The following CASR variants were observed in gnomAD, a reference collection of about 807,000 sequenced individuals.
The protein encoded by CASR is calcium sensing receptor, also known as extracellular calcium-sensing receptor.
A neutral mutation model predicts 69.1 loss-of-function variants in CASR; 23 were observed. The observed-to-expected ratio is 0.33, with a 90% confidence interval of 0.24 to 0.47. The LOEUF is 0.47. Among genes scored for constraint, CASR ranks in the 20% least tolerant of loss-of-function variants. CASR has a pLI of 1.00. For synonymous variants in CASR, 541 were observed against 544.7 expected, an observed-to-expected ratio of 0.99 and a Z score of 0.10; for missense variants, 924 against 1,356.1, an observed-to-expected ratio of 0.68 and a Z score of 5.00.
intron 5 of CASR, among the ~76,000 whole-genome samples, chr3:122,278,775 C>G (rs2074852172): frequency 6.6e-6 from 1 of 152,138 alleles, no homozygotes; most frequent in Non-Finnish European, 1.5e-5. Context: ...GAAGACTGAC[C>G]TGAGCGCGAA....
chr3:122,202,526 G>A (rs2073967852), intron 1 of CASR, among the ~76,000 whole-genome samples: 1 of 151,890 alleles, frequency 6.6e-6, no homozygotes, highest in Non-Finnish European at 1.5e-5. Context: ...TTTTTCAAGT[G>A]GGAGGTTTCT....
In CASR at chr3:122,291,607, TAAAG is replaced by T. The variant is rs200507404; in HGVS notation, c.*6420_*6423del. 1.0e-3 allele frequency: 159 copies of T among 152,200 alleles called. No homozygotes were observed. The East Asian group carries it at 0.013, about 13-fold the overall frequency. The allele number at this position is 152,200 out of a possible 1,614,324, so 9.4% of individuals were successfully genotyped here. On this transcript the variant is annotated 3_prime_UTR_variant, in exon 7 of 7. Coordinates refer to ENST00000639785, the MANE Select transcript of CASR (RefSeq NM_000388.4). The stretch of plus-strand genomic sequence containing the variant: ...TAAGCACAAAATTATAACAGGAAAA[TAAAG>T]AAAAGAATTTAAAATAAACATGCAA...
intron 3 of CASR, among the ~76,000 whole-genome samples, chr3:122,260,197 G>A (rs184101908): frequency 2.0e-5 from 3 of 152,306 alleles, no homozygotes; most frequent in Admixed American, 1.3e-4. Context: ...AGTGGTCAGA[G>A]CACTCCCACC....
chr3:122,247,977 C>T (rs1428760022), intron 1 of CASR, among the ~76,000 whole-genome samples: 1 of 152,116 alleles, frequency 6.6e-6, no homozygotes, highest in Non-Finnish European at 1.5e-5. Flanking sequence ...CTCAATTAAG[C>T]CATTACCAGA....
chr3:122,202,647 T>C (rs914662065), intron 1 of CASR, among the ~76,000 whole-genome samples: 1 of 152,258 alleles, frequency 6.6e-6, no homozygotes, highest in Non-Finnish European at 1.5e-5. Context: ...AGGTTGTTTT[T>C]ATGAACAGTG....
At chr3:122,244,735 T>G (rs1377765705) in intron 1 of CASR, among the ~76,000 whole-genome samples, 1 of 150,432 alleles carries the variant, frequency 6.6e-6, no homozygotes, top group Non-Finnish European at 1.5e-5. Context: ...CTGATGTCTA[T>G]CATGCTTCAA....
At chr3:122,272,185 AC>A (rs1402541998) in intron 4 of CASR, among the ~76,000 whole-genome samples, 4 of 152,048 alleles carry the variant, frequency 2.6e-5, no homozygotes, top group South Asian at 2.1e-4. Flanking sequence ...GAACTGCCAG[AC>A]GTTTTTTCCA....
At chr3:122,271,953 T>C (rs1604446) in intron 4 of CASR, among the ~76,000 whole-genome samples, 27,260 of 152,182 alleles carry the variant, frequency 0.18, 2,834 homozygotes, top group African/African-American at 0.26. Flanking sequence ...TGTGTGGATA[T>C]ACCACATTTT....
chr3:122,195,152 C>G (rs1179057632), intron 1 of CASR, among the ~76,000 whole-genome samples: 1 of 152,190 alleles, frequency 6.6e-6, no homozygotes, highest in Non-Finnish European at 1.5e-5. Context: ...TCAACTTACA[C>G]ATCCCAGAGC....
intron 1 of CASR, among the ~76,000 whole-genome samples, chr3:122,226,152 C>T (rs1186774209): frequency 6.6e-6 from 1 of 152,160 alleles, no homozygotes; most frequent in African/African-American, 2.4e-5. Context: ...GCCACGGACC[C>T]TCACGGTGAG....
In CASR at chr3:122,275,823, C is replaced by T. The variant is rs201572629; in HGVS notation, c.1389C>T (p.His463=). 1.2e-6 allele frequency: 2 copies of T among 1,613,248 alleles called. No individual in the cohort carries two copies. Among genetic ancestry groups the T allele is most frequent in the Non-Finnish European group, 8.5e-7 (1 of 1,179,246 alleles). Residue 463 remains histidine (H), a synonymous_variant, in exon 5 of 7, where the codon CAC becomes CAT. Transcript: ENST00000639785. ...TTGCTCCTCTTTAGGTCCTGAAGCA[C>T]CTACGGCATCTAAACTTTACAAACA... ...KKVEAWQVLK[H]LRHLNFTNNM... is the part of the protein sequence containing the mutation.
chr3:122,227,618 G>A (rs2107606064), intron 1 of CASR, among the ~76,000 whole-genome samples: 1 of 152,312 alleles, frequency 6.6e-6, no homozygotes, highest in East Asian at 1.9e-4. Flanking sequence ...CCAGAAAGGG[G>A]CTCCCACAGC....
chr3:122,233,848 C>A (rs2074302445), intron 1 of CASR, among the ~76,000 whole-genome samples: 1 of 152,240 alleles, frequency 6.6e-6, no homozygotes, highest in African/African-American at 2.4e-5. Context: ...ACAGCTTGGA[C>A]TTCCCACCCT....
intron 1 of CASR, among the ~76,000 whole-genome samples, chr3:122,241,737 T>G (rs1461153107): frequency 6.6e-6 from 1 of 152,016 alleles, no homozygotes; most frequent in Non-Finnish European, 1.5e-5. Context: ...AAAAGAAAAC[T>G]ACAGGCCAAC....
intron 5 of CASR, among the ~76,000 whole-genome samples, chr3:122,279,747 G>T (rs1324597589): frequency 1.3e-5 from 2 of 152,118 alleles, no homozygotes; most frequent in African/African-American, 2.4e-5. Flanking sequence ...AGGAATAGAA[G>T]GGAACCTCAC....
chr3:122,239,188 T>C (rs2074357491), intron 1 of CASR, among the ~76,000 whole-genome samples: 1 of 152,142 alleles, frequency 6.6e-6, no homozygotes, highest in African/African-American at 2.4e-5. Flanking sequence ...GGGGAGCCCA[T>C]TGCCTTGAAG....
intron 1 of CASR, among the ~76,000 whole-genome samples, chr3:122,238,257 A>AGC (rs1181386242): frequency 6.6e-6 from 1 of 152,114 alleles, no homozygotes; most frequent in African/African-American, 2.4e-5. Context: ...GGGGAAGGAG[A>AGC]GCACAGCGAC....
chr3:122,220,968 A>G lies in CASR; in HGVS notation c.-242-32980A>G, dbSNP rs1264300763. Among the ~76,000 whole-genome samples, 3 of 152,232 alleles carry G rather than the reference A, an allele frequency of 2.0e-5. No individual in the cohort carries two copies. In the East Asian group the frequency reaches 5.8e-4, roughly 29 times the overall value. ...CAGCCTGGGCGACAGAGAAAACCCC[A>G]TCTCAAAGAAAAACGACTTTGATAA... On this transcript the variant is annotated intron_variant, in intron 1 of 6. Coordinates refer to ENST00000639785, the MANE Select transcript of CASR (RefSeq NM_000388.4).
At chr3:122,200,994 CT>C (rs67815991) in intron 1 of CASR, among the ~76,000 whole-genome samples, 1 of 81,614 alleles carries the variant, frequency 1.2e-5, no homozygotes, top group East Asian at 2.4e-4. Context: ...CATTGCTTTT[CT>C]TTTTTTTTTA....
Sources: gnomAD v4.1 joint callset for allele counts (sites outside exome capture counted in the v4.1 genomes callset) on GRCh38, gnomAD v4.1.1 for gene constraint, MANE v1.5 for transcripts, NCBI Gene and HGNC (gene_info 2026-07-23, HGNC 2026-07-21) for gene names.